The following KDM2B variants were observed in gnomAD, a reference collection of about 807,000 sequenced individuals.
KDM2B encodes the protein lysine demethylase 2B, also known as lysine-specific demethylase 2B.
A neutral mutation model predicts 150.0 loss-of-function variants in KDM2B; 26 were observed. The observed-to-expected ratio is 0.17, with a 90% CI of 0.13 to 0.24. KDM2B has a LOEUF of 0.24. Ranked by LOEUF, KDM2B falls within the 10% of genes least tolerant of loss-of-function variation. The probability of loss-of-function intolerance (pLI) is 1.00; values close to 1 mark genes in which losing one functional copy is unlikely to be tolerated. For synonymous variants in KDM2B, 734 were observed against 729.5 expected, an observed-to-expected ratio of 1.01 and a Z score of -0.10; for missense variants, 1,265 against 1,816.9, an observed-to-expected ratio of 0.70 and a Z score of 5.52.
At chr12:121,526,841 G>A (rs1887177776) in intron 8 of KDM2B, among the ~76,000 whole-genome samples, 1 of 152,058 alleles carries the variant, frequency 6.6e-6, no homozygotes, top group Non-Finnish European at 1.5e-5. Flanking sequence ...AGACCAGCCT[G>A]GGCAACATGG....
intron 10 of KDM2B, among the ~76,000 whole-genome samples, 192 bp from the exon 11 acceptor site, chr12:121,510,231 C>T (rs1176347274): frequency 6.6e-6 from 1 of 152,170 alleles, no homozygotes; most frequent in Non-Finnish European, 1.5e-5. Context: ...TGCTGCTTCC[C>T]GGCTGTGTGC....
chr12:121,575,790 A>C lies in KDM2B; in HGVS notation c.341T>G (p.Leu114Arg). 1 of 1,610,424 alleles carries C rather than the reference A, an allele frequency of 6.2e-7. No homozygotes were observed. Among genetic ancestry groups the C allele is most frequent in the Non-Finnish European group, 8.5e-7 (1 of 1,176,562 alleles). ...VPLIFREKDGLGIKMPDPDFT... is the reference protein window; with the variant it reads ...VPLIFREKDGRGIKMPDPDFT... ...AGTTTCAGCAACTTACTTAATTCCC[A>C]GTCCATCCTTTTCTCGAAATATCAG... Residue 114 changes from leucine (L) to arginine (R), a missense_variant, in exon 3 of 23, where the codon CTG (leucine) becomes CGG (arginine). Physicochemically the swap from Leu to Arg is moderately radical, Grantham distance 102 (BLOSUM62 -2). This residue lies in a region of KDM2B where 214 missense variants were observed against 447.4 expected (regional missense o/e 0.48). Coordinates refer to ENST00000377071, the MANE Select transcript of KDM2B (RefSeq NM_032590.5). The surrounding 1 kb of genome is among the most constrained non-coding windows in gnomAD (Gnocchi z 4.4).
downstream of KDM2B, among the ~76,000 whole-genome samples, chr12:121,426,620 A>ATTTT: frequency 8.8e-6 from 1 of 113,550 alleles, no homozygotes; most frequent in Non-Finnish European, 1.8e-5. Flanking sequence ...ATTTTAAACA[A>ATTTT]TTTTTTTTTT....
rs540260356 is a variant in KDM2B, at chr12:121,565,333, T to TA, written c.397+9213dup. On this transcript the variant is annotated intron_variant, in intron 4 of 22. Coordinates refer to ENST00000377071, the MANE Select transcript of KDM2B (RefSeq NM_032590.5). ...GGGAAAGGACTTTTTTTTTTTTTTT[T>TA]AAGACAGAGTTTCATTCTTGTTGCC... Among the ~76,000 whole-genome samples, 132 of 150,498 alleles carry TA rather than the reference T, an allele frequency of 8.8e-4. 1 individual carries two copies. The highest frequency in any genetic ancestry group is 3.5e-3 in the Middle Eastern group (1 of 288).
In KDM2B at chr12:121,578,792, G is replaced by A; in HGVS notation, c.271+10C>T. 2 of 1,520,036 alleles carry A rather than the reference G, an allele frequency of 1.3e-6. No homozygotes were observed. Among genetic ancestry groups the A allele is most frequent in the Non-Finnish European group, 1.8e-6 (2 of 1,125,612 alleles). The allele number at this position is 1,520,036 out of a possible 1,614,324, so 94.2% of individuals were successfully genotyped here. A position where few individuals can be genotyped will look rare whatever the true frequency, so the allele number is the denominator to read the frequency against. Reference sequence around the variant, plus strand: ...AGCGCAGAGGGCGGCCCGGGGTGGGGGCGCCTCACCTTTGCCCTCCATGGC... The same window carrying A: ...AGCGCAGAGGGCGGCCCGGGGTGGGAGCGCCTCACCTTTGCCCTCCATGGC... On this transcript the variant is annotated intron_variant, in intron 2 of 22. Coordinates refer to ENST00000377071, the MANE Select transcript of KDM2B (RefSeq NM_032590.5).
intron 10 of KDM2B, among the ~76,000 whole-genome samples, chr12:121,512,229 T>C (rs1480945055): frequency 1.3e-5 from 2 of 151,902 alleles, no homozygotes; most frequent in African/African-American, 2.4e-5. Context: ...GGTTGTAGGG[T>C]TTCGGGACTT....
intron 12 of KDM2B, among the ~76,000 whole-genome samples, chr12:121,455,483 G>A (rs1555292545): frequency 6.6e-6 from 1 of 152,182 alleles, no homozygotes; most frequent in Non-Finnish European, 1.5e-5. Context: ...GTCTGAGGTG[G>A]GAGGATCACT....
rs77775665 is a variant in KDM2B, at chr12:121,576,018, G to C, written c.272-159C>G. Among the ~76,000 whole-genome samples, 485 of 152,286 alleles carry C rather than the reference G, an allele frequency of 3.2e-3. 1 individual carries two copies. The highest frequency in any genetic ancestry group is 0.011 in the African/African-American group (450 of 41,566). On this transcript the variant is annotated intron_variant, in intron 2 of 22. Coordinates refer to ENST00000377071, the MANE Select transcript of KDM2B (RefSeq NM_032590.5). ...AGCAAAAGCTCCTTGGAAAATGATCGGGAAATGGATTAGGCAAAGCCCAAG... is the reference window on the plus strand; with the variant it reads ...AGCAAAAGCTCCTTGGAAAATGATCCGGAAATGGATTAGGCAAAGCCCAAG...
chr12:121,580,152 T>A (rs374275664), intron 1 of KDM2B: 7 of 1,551,110 alleles, frequency 4.5e-6, no homozygotes, highest in Admixed American at 4.4e-5. Flanking sequence ...AACCAAAAAA[T>A]AAATAAATAA....
chr12:121,558,654 C>G (rs1890092071), intron 4 of KDM2B, among the ~76,000 whole-genome samples: 1 of 152,092 alleles, frequency 6.6e-6, no homozygotes, highest in South Asian at 2.1e-4. Context: ...GGGGTTTCCT[C>G]ATGTTGGCCA....
intron 11 of KDM2B, among the ~76,000 whole-genome samples, chr12:121,507,257 G>C (rs782364165): frequency 6.6e-6 from 1 of 151,912 alleles, no homozygotes. Context: ...CCAGCTACTC[G>C]GGAGGCAGGG....
intron 13 of KDM2B, among the ~76,000 whole-genome samples, chr12:121,451,995 C>G (rs1298717880): frequency 6.6e-6 from 1 of 152,070 alleles, no homozygotes; most frequent in South Asian, 2.1e-4. Context: ...TATGCTTCAA[C>G]ATGGATGAAC....
chr12:121,443,624 C>T, intron 17 of KDM2B, 56 bp downstream of exon 17: 1 of 1,023,272 alleles, frequency 9.8e-7, no homozygotes, highest in Non-Finnish European at 1.5e-6. Context: ...GGGTGGGGGA[C>T]AGCCCAGGAC....
At chr12:121,548,717 C>G (rs1889257192) in intron 6 of KDM2B, among the ~76,000 whole-genome samples, 160 bp downstream of exon 6, 1 of 152,204 alleles carries the variant, frequency 6.6e-6, no homozygotes, top group African/African-American at 2.4e-5. Context: ...TCCCTCCTGT[C>G]CCAGCTGTGC....
intron 22 of KDM2B, among the ~76,000 whole-genome samples, chr12:121,438,849 G>A (rs1555287404): frequency 6.6e-6 from 1 of 151,276 alleles, no homozygotes; most frequent in East Asian, 1.9e-4. Flanking sequence ...AAAAAAACCT[G>A]TAGTTTCTTT....
rs1555305362 is a variant in KDM2B, at chr12:121,518,094, T to C, written c.1047+2891A>G. Among the ~76,000 whole-genome samples the C allele has an allele frequency of 6.6e-6, 1 of 151,684 alleles. No individual in the cohort carries two copies. The highest frequency in any genetic ancestry group is 2.4e-5 in the African/African-American group (1 of 41,252). ...TTTTAGTAGAGACAGGGTTTCACCA[T>C]GTTGGTCAGGCTGGTCTCGAACCCC... On this transcript the variant is annotated intron_variant, in intron 9 of 22. Coordinates refer to ENST00000377071, the MANE Select transcript of KDM2B (RefSeq NM_032590.5). The surrounding 1 kb of genome is among the most constrained non-coding windows in gnomAD (Gnocchi z 4.4).
In KDM2B at chr12:121,456,830, C is replaced by T. The variant is rs143704754; in HGVS notation, c.1735-3486G>A. 5.5e-4 allele frequency among the ~76,000 whole-genome samples: 84 copies of T among 152,328 alleles called. 1 individual carries two copies. The highest frequency in any genetic ancestry group is 3.3e-3 in the Admixed American group (51 of 15,292). Reference sequence around the variant, plus strand: ...GCAGTTGAGACATCTGGGAAAATCACAGAGCACATACCAGACAACATCCTG... The same window carrying T: ...GCAGTTGAGACATCTGGGAAAATCATAGAGCACATACCAGACAACATCCTG... On this transcript the variant is annotated intron_variant, in intron 12 of 22. Transcript: ENST00000377071.
intron 10 of KDM2B, among the ~76,000 whole-genome samples, chr12:121,512,314 T>C (rs1266594986): frequency 1.3e-5 from 2 of 151,962 alleles, no homozygotes; most frequent in Non-Finnish European, 2.9e-5. Context: ...GACTTCCCAG[T>C]GAAGGCCCCA....
chr12:121,579,047 C>T (rs1891730438), intron 1 of KDM2B, 101 bp from the exon 2 acceptor site: 2 of 1,299,476 alleles, frequency 1.5e-6, no homozygotes, highest in African/African-American at 3.0e-5. Flanking sequence ...GCCGAGCGCC[C>T]CCTGCACCCC....
Sources: gnomAD v4.1 joint callset for allele counts (sites outside exome capture counted in the v4.1 genomes callset) on GRCh38, gnomAD v4.1.1 for gene constraint, gnomAD v4.1.1 regional missense constraint, Gnocchi (gnomAD v3.1) non-coding constraint, MANE v1.5 for transcripts, NCBI Gene and HGNC (gene_info 2026-07-23, HGNC 2026-07-21) for gene names.